Variants in NUP155 observed in about 807,000 individuals in gnomAD.
NUP155 encodes nuclear pore complex protein Nup155.
Under a neutral mutation model 180.4 loss-of-function variants are expected in NUP155, and 71 were observed. The ratio of observed to expected loss-of-function variants is 0.39; its 90% CI spans 0.33 to 0.48. The LOEUF (loss-of-function observed/expected upper bound fraction) is 0.48. NUP155 is among the 20% of genes least tolerant of loss of function. The pLI, the probability that NUP155 is intolerant of heterozygous loss-of-function variation, is 0.91. For synonymous variants in NUP155, 582 were observed against 559.5 expected, an observed-to-expected ratio of 1.04 and a Z score of -0.57; for missense variants, 1,553 against 1,648.9, an observed-to-expected ratio of 0.94 and a Z score of 1.01.
chr5:37,341,594 G>T (rs1745726160), intron 10 of NUP155, among the ~76,000 whole-genome samples: 1 of 152,114 alleles, frequency 6.6e-6, no homozygotes, highest in Admixed American at 6.6e-5. Flanking sequence ...AGGCTGGAGT[G>T]TAGTGGCGCG....
chr5:37,309,391 T>C (rs943183810), intron 23 of NUP155, 124 bp from the exon 24 acceptor site: 1 of 801,582 alleles, frequency 1.2e-6, no homozygotes, highest in Non-Finnish European at 2.0e-6. Flanking sequence ...TGAAAACAAC[T>C]CTACAAACTT....
At position 37,327,910 on chromosome 5, in the gene NUP155, T is replaced by C. The variant is rs542983755; in HGVS notation, c.1877-134A>G. 2.6e-4 allele frequency: 241 copies of C among 924,790 alleles called. 1 individual carries two copies. In the South Asian group the frequency reaches 3.2e-3, roughly 12 times the overall value. 57.3% of individuals were successfully genotyped at this position (924,790 alleles called of 1,614,324 possible). On this transcript the variant is annotated intron_variant, in intron 17 of 34. Transcript: ENST00000231498. ...AATTCAGAATTCTCATAACCCAAGT[T>C]TGTGTATCTAGACACAAAGGTATTT...
chr5:37,348,361 C>T, intron 9 of NUP155, 144 bp downstream of exon 9: 1 of 654,340 alleles, frequency 1.5e-6, no homozygotes, highest in Non-Finnish European at 2.8e-6. Flanking sequence ...CCATTTCAAA[C>T]ATAATGTAGA....
At chr5:37,313,504 T>TGTGTGTGTGA (rs530096354) in intron 22 of NUP155, among the ~76,000 whole-genome samples, 8 of 129,224 alleles carry the variant, frequency 6.2e-5, no homozygotes, top group African/African-American at 2.3e-4. Context: ...TGTGTGTGTG[T>TGTGTGTGTGA]GAGAGAGACA....
chr5:37,346,668 T>C (rs975781424), intron 9 of NUP155, among the ~76,000 whole-genome samples: 1 of 150,600 alleles, frequency 6.6e-6, no homozygotes, highest in Non-Finnish European at 1.5e-5. Flanking sequence ...TGAGACTTTG[T>C]CTCGGAAACA....
At chr5:37,318,599 T>C (rs1303352771) in intron 20 of NUP155, among the ~76,000 whole-genome samples, 1 of 151,990 alleles carries the variant, frequency 6.6e-6, no homozygotes, top group Non-Finnish European at 1.5e-5. Context: ...CGGAATGGGG[T>C]GCTCAACCTA....
chr5:37,297,210 CG>C (rs1561765624), intron 32 of NUP155, among the ~76,000 whole-genome samples: 1 of 151,998 alleles, frequency 6.6e-6, no homozygotes, highest in Non-Finnish European at 1.5e-5. Flanking sequence ...TTTGTAGAGA[CG>C]GGGCTTGCTA....
chr5:37,346,532 C>T (rs749286581), intron 9 of NUP155, among the ~76,000 whole-genome samples: 20 of 151,992 alleles, frequency 1.3e-4, no homozygotes, highest in Non-Finnish European at 2.8e-4. Flanking sequence ...ATTAGCCAGG[C>T]GTGGTGACAG....
chr5:37,361,911 A>G (rs528279476), intron 3 of NUP155, among the ~76,000 whole-genome samples: 5 of 152,274 alleles, frequency 3.3e-5, no homozygotes, highest in Admixed American at 6.5e-5. Flanking sequence ...TCATGAGGGT[A>G]TATCTCATGA....
chr5:37,345,908 CAAAAAAA>C (rs35161106), intron 9 of NUP155, among the ~76,000 whole-genome samples: 1 of 67,306 alleles, frequency 1.5e-5, no homozygotes, highest in Non-Finnish European at 3.5e-5. Flanking sequence ...GATTCCATCT[CAAAAAAA>C]AAAAAAAAAA....
At position 37,307,363 on chromosome 5, in the gene NUP155, C is replaced by T; in HGVS notation, c.2837G>A (p.Gly946Glu). Residue 946 changes from glycine to glutamate, a missense_variant, in exon 25 of 35, where the codon GGG (glycine) becomes GAG (glutamate). Gly to Glu is a moderately conservative substitution (Grantham distance 98, BLOSUM62 -2). Coordinates refer to ENST00000231498, the MANE Select transcript of NUP155 (RefSeq NM_153485.3). ...AAEKKDPQGL[G>E]LHFYKHGEPE... ...TTCTCCATGTTTATAGAAATGAAGC[C>T]CAAGACCTTGAGGATCTTTTTTCTC... is the stretch of plus-strand genomic sequence containing the variant. The T allele has an allele frequency of 6.2e-7, 1 of 1,613,876 alleles. No homozygotes were observed. The highest frequency in any genetic ancestry group is 8.5e-7 in the Non-Finnish European group (1 of 1,179,890).
intron 19 of NUP155, among the ~76,000 whole-genome samples, chr5:37,325,397 A>T (rs936552586): frequency 6.6e-6 from 1 of 152,156 alleles, no homozygotes. Context: ...TCATATTCAG[A>T]CAGTTAATCA....
At chr5:37,300,688 A>G (rs1219933115) in intron 30 of NUP155, among the ~76,000 whole-genome samples, 3 of 148,354 alleles carry the variant, frequency 2.0e-5, no homozygotes, top group African/African-American at 7.9e-5. Flanking sequence ...ACAGGGTCTC[A>G]CTCTGTCACT....
intron 21 of NUP155, among the ~76,000 whole-genome samples, chr5:37,315,016 G>A (rs1315709545): frequency 6.6e-6 from 1 of 152,180 alleles, no homozygotes; most frequent in Non-Finnish European, 1.5e-5. Flanking sequence ...CGGATCACCT[G>A]AGGTCATGAG....
chr5:37,345,336 G>C (rs947574127), intron 9 of NUP155, among the ~76,000 whole-genome samples: 3 of 151,398 alleles, frequency 2.0e-5, no homozygotes, highest in African/African-American at 7.3e-5. Context: ...GTGAAACCCC[G>C]TCTGTACCAA....
chr5:37,351,351 C>T lies in NUP155; in HGVS notation c.562G>A (p.Gly188Arg). 1 of 1,609,968 alleles carries T rather than the reference C, an allele frequency of 6.2e-7. No homozygotes were observed. The highest frequency in any genetic ancestry group is 8.5e-7 in the Non-Finnish European group (1 of 1,176,622). Residue 188 changes from glycine to arginine, a missense_variant, in exon 6 of 35, where the codon GGA becomes AGA. Transcript: ENST00000231498. ...CCAGACAAACTATCATTAAGAACTC[C>T]AGAACCTATTTAAGAAAGAATACAT... ...LSYANLQTGS[G>R]VLNDSLSGGM...
chr5:37,327,264 A>G (rs1744661866), intron 18 of NUP155: 1 of 288,512 alleles, frequency 3.5e-6, no homozygotes, highest in East Asian at 9.3e-5. Context: ...TTAATTGATT[A>G]CTTATCAGTG....
intron 34 of NUP155, among the ~76,000 whole-genome samples, chr5:37,292,407 G>A (rs1250342344): frequency 6.6e-6 from 1 of 151,818 alleles, no homozygotes; most frequent in African/African-American, 2.4e-5. Context: ...TAGTAGAGAT[G>A]GGGTTTCACG....
intron 21 of NUP155, 49 bp from the exon 22 acceptor site, chr5:37,314,377 G>T: frequency 1.4e-6 from 2 of 1,407,916 alleles, no homozygotes; most frequent in Non-Finnish European, 2.0e-6. Context: ...AGGTTAAGTT[G>T]CTTTATTTCA....
Sources: allele counts gnomAD v4.1 joint callset (sites outside exome capture counted in the v4.1 genomes callset), GRCh38; gene constraint gnomAD v4.1.1; transcripts MANE v1.5; gene names NCBI Gene and HGNC (gene_info 2026-07-23, HGNC 2026-07-21).